Variants in SAXO3 observed in about 807,000 individuals in gnomAD.
SAXO3 encodes the protein CTB-60B18.10.
At chr19:49,019,261 G>T in the SAXO3 span, 1 of 1,292,742 alleles carries the variant, frequency 7.7e-7, no homozygotes, top group Non-Finnish European at 9.8e-7. Flanking sequence ...TCAAACCCAA[G>T]CCCCCAGCCA....
the SAXO3 span, chr19:49,018,797 C>T: frequency 7.7e-7 from 1 of 1,298,824 alleles, no homozygotes; most frequent in African/African-American, 1.5e-5. Context: ...GAATGGGAGC[C>T]AGCCCAGGGG....
the SAXO3 span, chr19:49,018,904 T>C: frequency 1.3e-6 from 2 of 1,534,078 alleles, no homozygotes; most frequent in East Asian, 4.9e-5. Context: ...CGCGCCGAGG[T>C]GGTCAGATAG....
At chr19:49,020,272 C>G in the SAXO3 span, 1 of 450,616 alleles carries the variant, frequency 2.2e-6, no homozygotes, top group Non-Finnish European at 3.9e-6. Context: ...ACTCCAGGAC[C>G]CTCCTCCTTC....
the SAXO3 span, chr19:49,020,023 T>G: frequency 6.8e-7 from 1 of 1,469,948 alleles, no homozygotes; most frequent in Non-Finnish European, 8.9e-7. Flanking sequence ...AGCCAGAGGT[T>G]GTCTCCCATC....
chr19:49,018,973 C>T, the SAXO3 span: 2 of 1,533,546 alleles, frequency 1.3e-6, no homozygotes, highest in African/African-American at 1.4e-5. Context: ...CCAGACAGCT[C>T]GGGGTTCTTC....
chr19:49,020,296 A>T, the SAXO3 span: 1 of 436,776 alleles, frequency 2.3e-6, no homozygotes, highest in Admixed American at 4.1e-5. Context: ...GAGGAGTCCA[A>T]GCTCCCAATC....
At chr19:49,018,649 C>CA in the SAXO3 span, among the ~76,000 whole-genome samples, 1 of 152,056 alleles carries the variant, frequency 6.6e-6, no homozygotes, top group Non-Finnish European at 1.5e-5. Flanking sequence ...AGCCGCTGTG[C>CA]AGGCTTCCTG....
At chr19:49,019,299 T>TCA in the SAXO3 span, 3 of 1,229,580 alleles carry the variant, frequency 2.4e-6, no homozygotes, top group Non-Finnish European at 3.1e-6. Flanking sequence ...GGTTCCGCTC[T>TCA]GTCTTAAACC....
chr19:49,020,063 T>C, the SAXO3 span: 35 of 1,420,914 alleles, frequency 2.5e-5, no homozygotes, highest in East Asian at 4.0e-4. Flanking sequence ...AGCCCAGTTG[T>C]GAGAATCCTG....
chr19:49,020,119 A>G, the SAXO3 span: 22 of 965,748 alleles, frequency 2.3e-5, no homozygotes, highest in Admixed American at 4.6e-4. Context: ...ACTGGAGAGA[A>G]GGCGCCGCAC....
At chr19:49,019,584 G>A in the SAXO3 span, 2 of 1,244,254 alleles carry the variant, frequency 1.6e-6, no homozygotes, top group Non-Finnish European at 2.0e-6. Context: ...GATTCCTTCT[G>A]GCCCCGCCCC....
the SAXO3 span, chr19:49,019,016 G>A: frequency 5.4e-4 from 819 of 1,528,886 alleles, 4 homozygotes; most frequent in African/African-American, 9.5e-3. Flanking sequence ...CAAGATTGGG[G>A]GAGGAGGCAT....
At chr19:49,018,340 C>A in the SAXO3 span, 34 of 1,218,708 alleles carry the variant, frequency 2.8e-5, no homozygotes, top group South Asian at 4.6e-4. Flanking sequence ...ACAGCTCCGT[C>A]CTGTGGGAGC....
the SAXO3 span, chr19:49,019,450 A>G: frequency 6.9e-4 from 866 of 1,256,374 alleles, 10 homozygotes; most frequent in South Asian, 0.016. Flanking sequence ...GCAGCAGCTT[A>G]GGAGCCCTGA....
chr19:49,018,597 AG>A, the SAXO3 span, among the ~76,000 whole-genome samples: 1 of 152,056 alleles, frequency 6.6e-6, no homozygotes. Flanking sequence ...TGGGGGCTCA[AG>A]TACCGAAGGA....
At chr19:49,018,961 G>T in the SAXO3 span, 1 of 1,533,906 alleles carries the variant, frequency 6.5e-7, no homozygotes, top group East Asian at 2.4e-5. Context: ...GTGAAAGGCC[G>T]GCCAGACAGC....
At chr19:49,019,674 T>C in the SAXO3 span, 52 of 1,247,560 alleles carry the variant, frequency 4.2e-5, no homozygotes, top group Admixed American at 4.3e-4. Context: ...GGTGGTGGTC[T>C]GCGAGTTGTG....
At chr19:49,018,583 T>C in the SAXO3 span, among the ~76,000 whole-genome samples, 1 of 151,124 alleles carries the variant, frequency 6.6e-6, no homozygotes, top group Non-Finnish European at 1.5e-5. Flanking sequence ...TGGGAAGGAG[T>C]ATCTGGGGGC....
the SAXO3 span, chr19:49,018,086 G>T: frequency 5.0e-6 from 2 of 398,812 alleles, no homozygotes; most frequent in African/African-American, 4.1e-5. Context: ...CGCCTCCAGC[G>T]GGCAGAAGCG....
Sources: allele counts gnomAD v4.1 joint callset (sites outside exome capture counted in the v4.1 genomes callset), GRCh38; gene constraint gnomAD v4.1.1; transcripts MANE v1.5; gene names NCBI Gene and HGNC (gene_info 2026-07-23, HGNC 2026-07-21).